MFSD6: variants seen among roughly 807,000 people sequenced by gnomAD.
The protein encoded by MFSD6 is major facilitator superfamily domain containing 6.
Under a neutral mutation model 56.3 loss-of-function variants are expected in MFSD6, and 26 were observed. That is an observed-to-expected ratio of 0.46 (90% CI 0.34 to 0.64). The LOEUF (loss-of-function observed/expected upper bound fraction) is 0.64, where lower values mean the gene tolerates loss of function less well. Among genes scored for constraint, MFSD6 ranks in the 30% least tolerant of loss-of-function variants. MFSD6 has a pLI of 0.01. For synonymous variants in MFSD6, 331 were observed against 366.9 expected, an observed-to-expected ratio of 0.90 and a Z score of 1.12; for missense variants, 750 against 986.2, an observed-to-expected ratio of 0.76 and a Z score of 3.21.
chr2:190,487,130 C>G lies in MFSD6; in HGVS notation c.1631-1527C>G, dbSNP rs1689058571. On this transcript the variant is annotated intron_variant, in intron 4 of 7. Coordinates refer to ENST00000392328, the MANE Select transcript of MFSD6 (RefSeq NM_017694.4). This position sits in a 1 kb window ranked among gnomAD's most constrained non-coding sequence, Gnocchi z 5.5. ...GGCTGAGGCAGGTGGATCACGAGGT[C>G]AAGAGATCAAGACCATCCTGGCCAA... Among the ~76,000 whole-genome samples, 1 of 151,608 alleles carries G rather than the reference C, an allele frequency of 6.6e-6. No homozygotes were observed. Among genetic ancestry groups the G allele is most frequent in the Non-Finnish European group, 1.5e-5 (1 of 67,968 alleles).
chr2:190,410,586 T>C lies in MFSD6; in HGVS notation c.-176+2083T>C, dbSNP rs1005185376. ...TATTAATGTGTGTATGTTTACCCTT[T>C]TGTCCTCACCAGTTGTAGATTGAAG... is the stretch of plus-strand genomic sequence containing the variant. On this transcript the variant is annotated intron_variant, in intron 1 of 7. Transcript: ENST00000392328. This position sits in a 1 kb window ranked among gnomAD's most constrained non-coding sequence, Gnocchi z 4.4. 1.3e-5 allele frequency among the ~76,000 whole-genome samples: 2 copies of C among 152,370 alleles called. No individual in the cohort carries two copies. Among genetic ancestry groups the C allele is most frequent in the Non-Finnish European group, 1.5e-5 (1 of 68,036 alleles).
chr2:190,472,417 G>C (rs908782448), intron 4 of MFSD6, among the ~76,000 whole-genome samples: 1 of 152,124 alleles, frequency 6.6e-6, no homozygotes, highest in Admixed American at 6.6e-5. Context: ...TGAAAACCAC[G>C]GCACGAGAAA....
chr2:190,430,196 T>G (rs1339238236), intron 2 of MFSD6, among the ~76,000 whole-genome samples: 3 of 147,718 alleles, frequency 2.0e-5, no homozygotes, highest in Admixed American at 7.1e-5. Context: ...TATGGCTGCA[T>G]AGTCCTCATT....
rs945534994 is a variant in MFSD6 at position 190,501,619 on chromosome 2, C to G, written c.*1401C>G. The G allele has an allele frequency of 2.6e-5, 4 of 152,484 alleles. No individual in the cohort carries two copies. Among genetic ancestry groups the G allele is most frequent in the Admixed American group, 2.0e-4 (3 of 15,286 alleles). The allele number at this position is 152,484 out of a possible 1,614,324, so 9.4% of individuals were successfully genotyped here. A position where few individuals can be genotyped will look rare whatever the true frequency, so the allele number is the denominator to read the frequency against. The stretch of plus-strand genomic sequence containing the variant: ...ATGAGCAACTCACCTTACCCTCTGA[C>G]CCTGATTAGACAGGATCAATTGTAA... On this transcript the variant is annotated 3_prime_UTR_variant, in exon 8 of 8. Transcript: ENST00000392328.
rs1409816730 is a variant in MFSD6 at position 190,498,931 on chromosome 2, C to T, written c.2173-1084C>T. On this transcript the variant is annotated intron_variant, in intron 7 of 7. Transcript: ENST00000392328. This position sits in a 1 kb window ranked among gnomAD's most constrained non-coding sequence, Gnocchi z 5.9. ...TTGGGAGGCCGAGGTGGGTGGATCA[C>T]GAGGTCAGGAGTTCAAGACCAGCCT... 6.6e-6 allele frequency among the ~76,000 whole-genome samples: 1 copy of T among 151,950 alleles called. No individual in the cohort carries two copies. The highest frequency in any genetic ancestry group is 6.6e-5 in the Admixed American group (1 of 15,254).
chr2:190,475,173 C>G (rs999070625), intron 4 of MFSD6, among the ~76,000 whole-genome samples: 4 of 152,142 alleles, frequency 2.6e-5, no homozygotes, highest in African/African-American at 9.7e-5. Context: ...GATGCCCTCT[C>G]TCACCACTCC....
rs139663063 is a variant in MFSD6 at position 190,489,172 on chromosome 2, T to C, written c.1792+354T>C. On this transcript the variant is annotated intron_variant, in intron 5 of 7. Transcript: ENST00000392328. The surrounding 1 kb of genome is among the most constrained non-coding windows in gnomAD (Gnocchi z 6.6). Reference sequence around the variant, plus strand: ...ACCCTAAAGGAAATAAAATTCATCATTGTTATTCCATTAGGAGATTTTGAA... The same window carrying C: ...ACCCTAAAGGAAATAAAATTCATCACTGTTATTCCATTAGGAGATTTTGAA... Among the ~76,000 whole-genome samples, 3 of 152,344 alleles carry C rather than the reference T, an allele frequency of 2.0e-5. No homozygotes were observed. The highest frequency in any genetic ancestry group is 1.9e-4 in the East Asian group (1 of 5,190).
chr2:190,500,415 A>C lies in MFSD6; in HGVS notation c.*197A>C. 1 of 613,466 alleles carries C rather than the reference A, an allele frequency of 1.6e-6. No individual in the cohort carries two copies. The allele number at this position is 613,466 out of a possible 1,614,324, so 38.0% of individuals were successfully genotyped here. ...TTGGCAGGAAAAGGTAAACTTTCGTAATCTCATTGGAATTACAACAGGGAA... is the reference window on the plus strand; with the variant it reads ...TTGGCAGGAAAAGGTAAACTTTCGTCATCTCATTGGAATTACAACAGGGAA... On this transcript the variant is annotated 3_prime_UTR_variant, in exon 8 of 8. Transcript: ENST00000392328. The surrounding 1 kb of genome is among the most constrained non-coding windows in gnomAD (Gnocchi z 5.3).
At position 190,467,519 on chromosome 2, in the gene MFSD6, G is replaced by A. The variant is rs548312945; in HGVS notation, c.1533-2239G>A. ...TCCCAGCTAGTCAGGAGGCTGAGGC[G>A]GGAGAATTGCTTGAACCTGGGAGGC... On this transcript the variant is annotated intron_variant, in intron 3 of 7. Transcript: ENST00000392328. This position sits in a 1 kb window ranked among gnomAD's most constrained non-coding sequence, Gnocchi z 5.5. Among the ~76,000 whole-genome samples the A allele has an allele frequency of 1.3e-5, 2 of 152,184 alleles. No homozygotes were observed. The highest frequency in any genetic ancestry group is 6.5e-5 in the Admixed American group (1 of 15,278).
chr2:190,465,957 C>CA lies in MFSD6; in HGVS notation c.1533-3795dup, dbSNP rs1228473256. Among the ~76,000 whole-genome samples, 1 of 152,166 alleles carries CA rather than the reference C, an allele frequency of 6.6e-6. No homozygotes were observed. Among genetic ancestry groups the CA allele is most frequent in the South Asian group, 2.1e-4 (1 of 4,816 alleles). ...ACAGCAAACCAAGATCATGCCATTGCAAAAAACAAACAAAAAAACTCGGAA... is the reference window on the plus strand; with the variant it reads ...ACAGCAAACCAAGATCATGCCATTGCAAAAAAACAAACAAAAAAACTCGGAA... On this transcript the variant is annotated intron_variant, in intron 3 of 7. Transcript: ENST00000392328. The surrounding 1 kb of genome is among the most constrained non-coding windows in gnomAD (Gnocchi z 4.6).
chr2:190,500,272 A>G lies in MFSD6; in HGVS notation c.*54A>G. 6.3e-7 allele frequency: 1 copy of G among 1,594,612 alleles called. No homozygotes were observed. The highest frequency in any genetic ancestry group is 2.2e-5 in the East Asian group (1 of 44,640). ...TGGAATCAGGCTCCTCAGCCAGGAC[A>G]CAGGGTGAGGCCCCCCAGCCAGGAT... is the stretch of plus-strand genomic sequence containing the variant. On this transcript the variant is annotated 3_prime_UTR_variant, in exon 8 of 8. Coordinates refer to ENST00000392328, the MANE Select transcript of MFSD6 (RefSeq NM_017694.4). The surrounding 1 kb of genome is among the most constrained non-coding windows in gnomAD (Gnocchi z 5.3).
upstream of MFSD6, among the ~76,000 whole-genome samples, chr2:190,407,811 G>T (rs1175483018): frequency 6.6e-6 from 1 of 152,106 alleles, no homozygotes; most frequent in Non-Finnish European, 1.5e-5. This position sits in a 1 kb window ranked among gnomAD's most constrained non-coding sequence, Gnocchi z 5.4. Context: ...TCCCTCCCGG[G>T]TCAACCTGGG....
Position 190,474,876 on chromosome 2 carries a change from G to C in MFSD6, c.1630+5021G>C, listed in dbSNP as rs558789484. On this transcript the variant is annotated intron_variant, in intron 4 of 7. Transcript: ENST00000392328. ...CAAAAAGCTTATCCACCATGATCAA[G>C]TGGGCTTCATCCCTGGGATGCAAGG... 2.6e-3 allele frequency among the ~76,000 whole-genome samples: 390 copies of C among 152,278 alleles called. 1 individual carries two copies. The highest frequency in any genetic ancestry group is 4.4e-3 in the Admixed American group (67 of 15,300).
Position 190,416,223 on chromosome 2 carries a change from A to G in MFSD6, c.-54+810A>G, listed in dbSNP as rs931371472. 1.3e-5 allele frequency among the ~76,000 whole-genome samples: 2 copies of G among 152,236 alleles called. No individual in the cohort carries two copies. Among genetic ancestry groups the G allele is most frequent in the Non-Finnish European group, 2.9e-5 (2 of 68,028 alleles). On this transcript the variant is annotated intron_variant, in intron 2 of 7. Transcript: ENST00000392328. This position sits in a 1 kb window ranked among gnomAD's most constrained non-coding sequence, Gnocchi z 4.1. ...TGATTATTTTCTTCCACAAAGTGAA[A>G]GTGAAAATCTAGTTGGTCTTTATTA...
intron 3 of MFSD6, among the ~76,000 whole-genome samples, chr2:190,460,325 CT>C (rs1687257966): frequency 6.6e-6 from 1 of 152,138 alleles, no homozygotes; most frequent in Non-Finnish European, 1.5e-5. Flanking sequence ...TTCTAGGCCT[CT>C]TTTTTAAGTC....
rs984372149 is a variant in MFSD6, at chr2:190,431,418, G to C, written c.-53-4559G>C. On this transcript the variant is annotated intron_variant, in intron 2 of 7. Coordinates refer to ENST00000392328, the MANE Select transcript of MFSD6 (RefSeq NM_017694.4). This position sits in a 1 kb window ranked among gnomAD's most constrained non-coding sequence, Gnocchi z 4.4. ...ACTGCACTCCAGCCTGGGCACCATT[G>C]ATCACTGAGTGAACGAGACTCCGTC... Among the ~76,000 whole-genome samples the C allele has an allele frequency of 2.0e-5, 3 of 152,236 alleles. No individual in the cohort carries two copies. Among genetic ancestry groups the C allele is most frequent in the African/African-American group, 7.2e-5 (3 of 41,460 alleles).
In MFSD6 at chr2:190,430,769, C is replaced by A. The variant is rs111355591; in HGVS notation, c.-53-5208C>A. On this transcript the variant is annotated intron_variant, in intron 2 of 7. Coordinates refer to ENST00000392328, the MANE Select transcript of MFSD6 (RefSeq NM_017694.4). ...GCCAGGCAGAGGGGCTCCTCACTTC[C>A]CAGAAGGGGCGGCCGGGCGGGCAGA... 4.4e-3 allele frequency among the ~76,000 whole-genome samples: 662 copies of A among 151,412 alleles called. 4 individuals are homozygous for A. The highest frequency in any genetic ancestry group is 0.015 in the African/African-American group (638 of 41,332).
chr2:190,490,393 C>T lies in MFSD6; in HGVS notation c.1891+527C>T, dbSNP rs1488633250. 6.6e-6 allele frequency among the ~76,000 whole-genome samples: 1 copy of T among 151,930 alleles called. No homozygotes were observed. The highest frequency in any genetic ancestry group is 1.5e-5 in the Non-Finnish European group (1 of 67,988). ...CTTGGCTAACACGGTGAAACCCCAT[C>T]TCTACTAAAAATATAAAAAATTAGC... is the stretch of plus-strand genomic sequence containing the variant. On this transcript the variant is annotated intron_variant, in intron 6 of 7. Transcript: ENST00000392328. The surrounding 1 kb of genome is among the most constrained non-coding windows in gnomAD (Gnocchi z 4.5).
intron 2 of MFSD6, among the ~76,000 whole-genome samples, chr2:190,420,965 G>A (rs1685593775): frequency 6.6e-6 from 1 of 152,126 alleles, no homozygotes; most frequent in Admixed American, 6.5e-5. Flanking sequence ...TAACGACTTT[G>A]TATTTGTTGA....
Sources: gnomAD v4.1 joint callset for allele counts (sites outside exome capture counted in the v4.1 genomes callset) on GRCh38, gnomAD v4.1.1 for gene constraint, Gnocchi (gnomAD v3.1) non-coding constraint, MANE v1.5 for transcripts, NCBI Gene and HGNC (gene_info 2026-07-23, HGNC 2026-07-21) for gene names.